Variants in B3GALT1 observed in about 807,000 individuals in gnomAD.
The protein encoded by B3GALT1 is beta-1,3-galactosyltransferase 1, also known as UDP-Gal:betaGlcNAc beta 1,3-galactosyltransferase, polypeptide 1.
B3GALT1 carries 10 observed loss-of-function variants against 23.2 expected under a neutral mutation model. That is an observed-to-expected ratio of 0.43 (90% CI 0.27 to 0.73). The LOEUF is 0.73. Ranked by LOEUF, B3GALT1 falls within the 30% of genes least tolerant of loss-of-function variation. B3GALT1 has a pLI of 0.21. For missense variants in B3GALT1, 299 were observed against 405.4 expected, an observed-to-expected ratio of 0.74 and a Z score of 2.25; for synonymous variants, 156 against 141.5, an observed-to-expected ratio of 1.10 and a Z score of -0.73.
At chr2:167,382,691 A>G (rs1275773884) in intron 1 of B3GALT1, among the ~76,000 whole-genome samples, 1 of 152,170 alleles carries the variant, frequency 6.6e-6, no homozygotes, top group Non-Finnish European at 1.5e-5. Context: ...AAACCTAGCC[A>G]AGTTTTCTTT....
intron 1 of B3GALT1, among the ~76,000 whole-genome samples, chr2:167,350,900 C>G (rs148126092): frequency 1.2e-3 from 182 of 152,312 alleles, no homozygotes; most frequent in African/African-American, 4.0e-3. Context: ...CTGGGTATTC[C>G]TTATCTGCCT....
Position 167,869,998 on chromosome 2 carries a change from G to T in B3GALT1, c.959G>T (p.Ser320Ile), listed in dbSNP as rs1007915878. Residue 320 changes from serine to isoleucine, a missense_variant, in exon 5 of 5, where the codon AGC becomes ATC. Physicochemically the swap from Ser to Ile is moderately radical, Grantham distance 142. This residue lies in a region of B3GALT1 where 133 missense variants were observed against 204.8 expected (regional missense o/e 0.65). Coordinates refer to ENST00000392690, the MANE Select transcript of B3GALT1 (RefSeq NM_020981.4). This position sits in a 1 kb window ranked among gnomAD's most constrained non-coding sequence, Gnocchi z 6.4. ...CACAGAATCTGGAATGACATGTCAAGCAAGAAACATCTCAGATGTTAGGAT... is the reference window on the plus strand; with the variant it reads ...CACAGAATCTGGAATGACATGTCAATCAAGAAACATCTCAGATGTTAGGAT... ...EMHRIWNDMS[S>I]KKHLRC 1.2e-6 allele frequency: 2 copies of T among 1,603,006 alleles called. No individual in the cohort carries two copies. The highest frequency in any genetic ancestry group is 2.7e-5 in the African/African-American group (2 of 74,706).
chr2:167,351,421 AAAATG>A (rs1697306802), intron 1 of B3GALT1, among the ~76,000 whole-genome samples: 1 of 152,204 alleles, frequency 6.6e-6, no homozygotes, highest in South Asian at 2.1e-4. Flanking sequence ...TTTCTAAACA[AAAATG>A]AAATAAAGTA....
intron 3 of B3GALT1, among the ~76,000 whole-genome samples, chr2:167,681,831 A>G (rs981591589): frequency 5.3e-5 from 8 of 152,204 alleles, no homozygotes; most frequent in East Asian, 1.9e-4. Flanking sequence ...TAAAGAGGAT[A>G]CACAAAGCCT....
chr2:167,295,799 GTGTA>G (rs34472738), intron 1 of B3GALT1, among the ~76,000 whole-genome samples: 197 of 148,306 alleles, frequency 1.3e-3, no homozygotes, highest in African/African-American at 4.5e-3. Flanking sequence ...GTGTGTGTGT[GTGTA>G]TGGAACTTTT....
At chr2:167,526,596 T>C (rs1470548889) in intron 2 of B3GALT1, among the ~76,000 whole-genome samples, 3 of 152,230 alleles carry the variant, frequency 2.0e-5, no homozygotes, top group African/African-American at 7.2e-5. Flanking sequence ...CATTGTGTCA[T>C]GCACAATTTG....
intron 1 of B3GALT1, among the ~76,000 whole-genome samples, chr2:167,403,489 A>C (rs1170282777): frequency 1.3e-5 from 2 of 151,904 alleles, no homozygotes; most frequent in African/African-American, 4.8e-5. Flanking sequence ...ACATACGTGC[A>C]GAGCACCATG....
chr2:167,313,496 G>C (rs1220539469), intron 1 of B3GALT1, among the ~76,000 whole-genome samples: 1 of 152,080 alleles, frequency 6.6e-6, no homozygotes, highest in African/African-American at 2.4e-5. Flanking sequence ...AGTCCAGGCT[G>C]GACCTCCCAG....
chr2:167,451,062 T>C (rs1699083152), intron 1 of B3GALT1, among the ~76,000 whole-genome samples: 1 of 152,004 alleles, frequency 6.6e-6, no homozygotes, highest in Non-Finnish European at 1.5e-5. Flanking sequence ...TTTTTATTTA[T>C]GTTATTTCCC....
chr2:167,442,150 A>G (rs992022445), intron 1 of B3GALT1, among the ~76,000 whole-genome samples: 11 of 150,812 alleles, frequency 7.3e-5, no homozygotes, highest in Non-Finnish European at 4.4e-5. Context: ...TGTTCTTGCG[A>G]TAGTTTACTG....
At chr2:167,471,541 G>C (rs1699418395) in intron 1 of B3GALT1, among the ~76,000 whole-genome samples, 1 of 152,154 alleles carries the variant, frequency 6.6e-6, no homozygotes, top group Admixed American at 6.6e-5. Context: ...GCAGAGTTTG[G>C]TAGATTACTA....
intron 2 of B3GALT1, among the ~76,000 whole-genome samples, chr2:167,629,677 A>G (rs1685406436): frequency 6.6e-6 from 1 of 151,780 alleles, no homozygotes; most frequent in Non-Finnish European, 1.5e-5. Flanking sequence ...ATCTGAGGTC[A>G]GTGAACTAGT....
intron 3 of B3GALT1, among the ~76,000 whole-genome samples, chr2:167,717,534 G>A (rs1014239466): frequency 7.9e-5 from 12 of 151,120 alleles, no homozygotes; most frequent in African/African-American, 2.7e-4. Context: ...TTCCTTTGTC[G>A]CCACACCTGT....
chr2:167,530,222 A>G (rs147126024), intron 2 of B3GALT1, among the ~76,000 whole-genome samples: 1 of 152,150 alleles, frequency 6.6e-6, no homozygotes, highest in African/African-American at 2.4e-5. Context: ...TCTACCCCCT[A>G]TTGGCCAGTG....
chr2:167,621,416 A>C lies in B3GALT1; in HGVS notation c.-409-25493A>C, dbSNP rs548511131. On this transcript the variant is annotated intron_variant, in intron 2 of 4. Coordinates refer to ENST00000392690, the MANE Select transcript of B3GALT1 (RefSeq NM_020981.4). The stretch of plus-strand genomic sequence containing the variant: ...GTTATTTTCAATCAATTTAACTAAA[A>C]TGTTATTATTTTATCAGAGGGATTT... 5.3e-5 allele frequency among the ~76,000 whole-genome samples: 8 copies of C among 152,088 alleles called. No homozygotes were observed. The East Asian group carries it at 1.6e-3, about 30-fold the overall frequency.
intron 1 of B3GALT1, among the ~76,000 whole-genome samples, chr2:167,327,648 A>G (rs989683808): frequency 1.3e-5 from 2 of 150,750 alleles, no homozygotes; most frequent in Non-Finnish European, 3.0e-5. Context: ...TTTAAAATAT[A>G]AGATCATGTC....
intron 3 of B3GALT1, among the ~76,000 whole-genome samples, chr2:167,693,714 C>G (rs1013141763): frequency 4.6e-5 from 7 of 152,104 alleles, no homozygotes; most frequent in Non-Finnish European, 8.8e-5. Flanking sequence ...GTTCTCTTTA[C>G]TGCATTTGGT....
chr2:167,431,307 C>T (rs1698701206), intron 1 of B3GALT1, among the ~76,000 whole-genome samples: 1 of 152,154 alleles, frequency 6.6e-6, no homozygotes, highest in African/African-American at 2.4e-5. Context: ...TTTAGCCTGG[C>T]AAAATTTCAG....
At chr2:167,698,294 A>G (rs963274257) in intron 3 of B3GALT1, among the ~76,000 whole-genome samples, 1 of 152,218 alleles carries the variant, frequency 6.6e-6, no homozygotes, top group Non-Finnish European at 1.5e-5. Context: ...TTCAGGTTCA[A>G]AAATGCTCTG....
Sources: gnomAD v4.1 joint callset for allele counts (sites outside exome capture counted in the v4.1 genomes callset) on GRCh38, gnomAD v4.1.1 for gene constraint, gnomAD v4.1.1 regional missense constraint, Gnocchi (gnomAD v3.1) non-coding constraint, MANE v1.5 for transcripts, NCBI Gene and HGNC (gene_info 2026-07-23, HGNC 2026-07-21) for gene names.